Variants in ARB2A observed in about 807,000 individuals in gnomAD.
The protein encoded by ARB2A is ARB2 cotranscriptional regulator A.
the ARB2A span, among the ~76,000 whole-genome samples, chr5:93,658,791 T>C: frequency 6.6e-6 from 1 of 152,094 alleles, no homozygotes; most frequent in African/African-American, 2.4e-5. Flanking sequence ...AATTTTATGC[T>C]AAATTAATGT....
chr5:93,984,532 ATT>A, the ARB2A span, among the ~76,000 whole-genome samples: 2 of 152,148 alleles, frequency 1.3e-5, no homozygotes, highest in Non-Finnish European at 2.9e-5. Flanking sequence ...GTTTTGTGCC[ATT>A]GTTTATCCCC....
chr5:94,018,414 C>G, the ARB2A span, among the ~76,000 whole-genome samples: 3 of 152,204 alleles, frequency 2.0e-5, no homozygotes. Context: ...CACTAGCTTA[C>G]TATCATAATT....
At chr5:93,691,043 G>A in the ARB2A span, among the ~76,000 whole-genome samples, 3 of 152,042 alleles carry the variant, frequency 2.0e-5, no homozygotes, top group Admixed American at 2.0e-4. Context: ...AAAGACCAAA[G>A]GTACATAAAT....
At chr5:93,766,498 T>G in the ARB2A span, among the ~76,000 whole-genome samples, 182 of 152,114 alleles carry the variant, frequency 1.2e-3, no homozygotes, top group African/African-American at 4.1e-3. Flanking sequence ...GATACCATCT[T>G]ACACCAGTTA....
chr5:93,723,808 T>C, the ARB2A span, among the ~76,000 whole-genome samples: 1 of 152,052 alleles, frequency 6.6e-6, no homozygotes. Context: ...AACATTTACA[T>C]TGATGTTAAC....
the ARB2A span, among the ~76,000 whole-genome samples, chr5:94,005,018 AAAAAAAAAG>A: frequency 1.7e-5 from 2 of 117,328 alleles, no homozygotes; most frequent in Non-Finnish European, 3.5e-5. Flanking sequence ...AAAAAAAAAA[AAAAAAAAAG>A]AGAGAGGACA....
chr5:94,011,812 A>C, the ARB2A span, among the ~76,000 whole-genome samples: 5 of 151,654 alleles, frequency 3.3e-5, no homozygotes, highest in Admixed American at 2.6e-4. Flanking sequence ...TTTAGAGTCA[A>C]GTAGCACAGA....
At chr5:94,082,727 C>T in the ARB2A span, among the ~76,000 whole-genome samples, 1 of 151,730 alleles carries the variant, frequency 6.6e-6, no homozygotes, top group South Asian at 2.1e-4. Flanking sequence ...TAGAATTTCC[C>T]AATTCTTTAT....
At chr5:93,866,167 C>T in the ARB2A span, 1 of 985,226 alleles carries the variant, frequency 1.0e-6, no homozygotes, top group Non-Finnish European at 1.2e-6. Context: ...TCTTTGATGG[C>T]ATCATTTTAT....
chr5:93,865,838 T>C, the ARB2A span: 4 of 985,422 alleles, frequency 4.1e-6, no homozygotes, highest in Non-Finnish European at 4.8e-6. Context: ...AGGCAGGTGA[T>C]ATTTATACAA....
chr5:93,929,341 T>C, the ARB2A span, among the ~76,000 whole-genome samples: 1 of 152,280 alleles, frequency 6.6e-6, no homozygotes, highest in Admixed American at 6.5e-5. Flanking sequence ...CAAAACAGTG[T>C]ATCTCATATA....
chr5:93,809,591 T>G, the ARB2A span, among the ~76,000 whole-genome samples: 2 of 152,012 alleles, frequency 1.3e-5, no homozygotes, highest in Non-Finnish European at 2.9e-5. Context: ...TACTATTTTA[T>G]GTGGGGAAAG....
the ARB2A span, among the ~76,000 whole-genome samples, chr5:93,892,588 G>C: frequency 1.4e-4 from 21 of 151,840 alleles, no homozygotes; most frequent in South Asian, 4.2e-4. Flanking sequence ...CTACCTCTGG[G>C]GGGGGGAAAA....
At chr5:93,975,316 CA>C in the ARB2A span, among the ~76,000 whole-genome samples, 12,470 of 61,750 alleles carry the variant, frequency 0.2, 378 homozygotes, top group Middle Eastern at 0.28. Flanking sequence ...GACTCCATCT[CA>C]AAAAAAAAAA....
the ARB2A span, among the ~76,000 whole-genome samples, chr5:93,745,497 G>A: frequency 2.0e-5 from 3 of 152,192 alleles, no homozygotes; most frequent in East Asian, 3.9e-4. Context: ...ATGTGCGAGT[G>A]ATCTGCCTTT....
At chr5:94,074,910 T>C in the ARB2A span, 4 of 557,366 alleles carry the variant, frequency 7.2e-6, no homozygotes, top group South Asian at 2.5e-5. Flanking sequence ...GTACTTATTA[T>C]TGTCTGCTTT....
chr5:93,825,462 T>C, the ARB2A span, among the ~76,000 whole-genome samples: 1 of 152,218 alleles, frequency 6.6e-6, no homozygotes, highest in African/African-American at 2.4e-5. Context: ...AAAGCATCAA[T>C]GATTTTACCA....
the ARB2A span, among the ~76,000 whole-genome samples, chr5:93,628,174 C>T: frequency 6.7e-6 from 1 of 150,070 alleles, no homozygotes; most frequent in Non-Finnish European, 1.5e-5. Context: ...CCTCAGCCTC[C>T]TGGGCAGCTG....
the ARB2A span, among the ~76,000 whole-genome samples, chr5:93,911,628 C>CCACACACACACACACACACA: frequency 1.3e-5 from 2 of 148,672 alleles, no homozygotes; most frequent in Admixed American, 1.4e-4. Flanking sequence ...GCATTAGTCA[C>CCACACACACACACACACACA]CACACACACA....
Sources: allele counts gnomAD v4.1 joint callset (sites outside exome capture counted in the v4.1 genomes callset), GRCh38; gene constraint gnomAD v4.1.1; transcripts MANE v1.5; gene names NCBI Gene and HGNC (gene_info 2026-07-23, HGNC 2026-07-21).